The following CACNA2D1 variants were observed in gnomAD, a reference collection of about 807,000 sequenced individuals.
CACNA2D1 encodes voltage-dependent calcium channel subunit alpha-2/delta-1.
A neutral mutation model predicts 171.5 loss-of-function variants in CACNA2D1; 53 were observed. The observed-to-expected ratio is 0.31, with a 90% CI of 0.25 to 0.39. The LOEUF (loss-of-function observed/expected upper bound fraction) is 0.39. Ranked by LOEUF, CACNA2D1 falls within the 10% of genes least tolerant of loss-of-function variation. CACNA2D1 has a pLI of 1.00. For synonymous variants in CACNA2D1, 442 were observed against 443.1 expected, an observed-to-expected ratio of 1.00 and a Z score of 0.03; for missense variants, 903 against 1,299.8, an observed-to-expected ratio of 0.69 and a Z score of 4.69.
chr7:82,343,125 A>G (rs949419784), intron 2 of CACNA2D1: 1 of 152,194 alleles, frequency 6.6e-6, no homozygotes, highest in African/African-American at 2.4e-5. Context: ...TTTTCCAATG[A>G]TAACTATATC....
intron 1 of CACNA2D1, among the ~76,000 whole-genome samples, chr7:82,402,314 A>T (rs1408014892): frequency 6.6e-6 from 1 of 152,250 alleles, no homozygotes; most frequent in African/African-American, 2.4e-5. Flanking sequence ...TTCACACATC[A>T]TCTTTATTAA....
At chr7:82,090,180 T>C (rs1330741017) in intron 6 of CACNA2D1, among the ~76,000 whole-genome samples, 1 of 152,176 alleles carries the variant, frequency 6.6e-6, no homozygotes, top group Admixed American at 6.5e-5. Flanking sequence ...AATACAATAT[T>C]GTTAACTATC....
intron 3 of CACNA2D1, among the ~76,000 whole-genome samples, chr7:82,307,124 A>G (rs1384336998): frequency 6.6e-6 from 1 of 152,128 alleles, no homozygotes; most frequent in African/African-American, 2.4e-5. Context: ...TCCTTAACTT[A>G]GGAGAAAAAA....
intron 3 of CACNA2D1, among the ~76,000 whole-genome samples, chr7:82,224,847 A>C (rs1335502760): frequency 2.0e-5 from 3 of 152,136 alleles, no homozygotes; most frequent in African/African-American, 7.2e-5. Flanking sequence ...ATTCAAACCT[A>C]AGTTGGAATG....
chr7:82,286,471 G>A (rs2129386498), intron 3 of CACNA2D1, among the ~76,000 whole-genome samples: 1 of 152,190 alleles, frequency 6.6e-6, no homozygotes, highest in South Asian at 2.1e-4. Context: ...TGGACACAAG[G>A]TTTATCCAGG....
intron 6 of CACNA2D1, among the ~76,000 whole-genome samples, chr7:82,093,510 AACAACACT>A (rs1206708060): frequency 1.4e-4 from 22 of 152,128 alleles, no homozygotes; most frequent in Non-Finnish European, 2.9e-4. Context: ...AGTAATGTCC[AACAACACT>A]ACTTAATTTT....
At chr7:82,305,478 G>A (rs567125917) in intron 3 of CACNA2D1, among the ~76,000 whole-genome samples, 4 of 152,088 alleles carry the variant, frequency 2.6e-5, no homozygotes, top group Non-Finnish European at 5.9e-5. Context: ...CACCTTACCT[G>A]CAGATCTAGG....
At chr7:82,401,629 C>G (rs577565929) in intron 1 of CACNA2D1, among the ~76,000 whole-genome samples, 3 of 151,226 alleles carry the variant, frequency 2.0e-5, no homozygotes, top group Non-Finnish European at 4.4e-5. Flanking sequence ...GTGGGTGCAG[C>G]GCACCAGCGT....
chr7:82,320,933 A>ATAAAGCCATTTATATATATG (rs1815743209), intron 3 of CACNA2D1, among the ~76,000 whole-genome samples: 1 of 152,132 alleles, frequency 6.6e-6, no homozygotes, highest in Non-Finnish European at 1.5e-5. Context: ...AATGGCTTAT[A>ATAAAGCCATTTATATATATG]TAAAGCCATT....
rs1424582213 is a variant in CACNA2D1, at chr7:82,099,524, A to G, written c.527-14624T>C. Among the ~76,000 whole-genome samples, 8 of 93,170 alleles carry G rather than the reference A, an allele frequency of 8.6e-5. 2 individuals are homozygous for G. Among genetic ancestry groups the G allele is most frequent in the African/African-American group, 3.2e-4 (8 of 24,844 alleles). 61.1% of individuals were successfully genotyped at this position (93,170 alleles called of 152,430 possible). On this transcript the variant is annotated intron_variant, in intron 6 of 38. Transcript: ENST00000356860. ...GAGTGCAGCGGCGGGATCTCGGCTC[A>G]CTGCAAGCTCCGCCTCCCGGGTTCA...
intron 7 of CACNA2D1, among the ~76,000 whole-genome samples, chr7:82,070,813 A>G (rs1808233128): frequency 6.6e-6 from 1 of 152,202 alleles, no homozygotes; most frequent in South Asian, 2.1e-4. Flanking sequence ...AACCTTGGTC[A>G]CAGGTACAAA....
chr7:82,328,940 T>C (rs1267931374), intron 3 of CACNA2D1, among the ~76,000 whole-genome samples: 2 of 152,180 alleles, frequency 1.3e-5, no homozygotes, highest in Non-Finnish European at 2.9e-5. Context: ...TTTGAGTCTC[T>C]AAAGAATTTC....
At chr7:82,418,781 T>C (rs1449055698) in intron 1 of CACNA2D1, among the ~76,000 whole-genome samples, 1 of 152,136 alleles carries the variant, frequency 6.6e-6, no homozygotes, top group Non-Finnish European at 1.5e-5. Context: ...TTTTGGTGTA[T>C]CAGAGTTCAG....
intron 1 of CACNA2D1, among the ~76,000 whole-genome samples, chr7:82,423,121 C>T (rs1001050632): frequency 1.3e-5 from 2 of 152,056 alleles, no homozygotes; most frequent in Admixed American, 6.5e-5. Context: ...TACTTTTGTA[C>T]TTTCGCAGAC....
At chr7:82,288,543 T>G (rs1165840206) in intron 3 of CACNA2D1, among the ~76,000 whole-genome samples, 1 of 152,128 alleles carries the variant, frequency 6.6e-6, no homozygotes, top group Non-Finnish European at 1.5e-5. Flanking sequence ...AAATTATTCC[T>G]GCTAAAATAT....
chr7:82,159,433 A>G (rs1794708682), intron 4 of CACNA2D1, among the ~76,000 whole-genome samples: 2 of 151,932 alleles, frequency 1.3e-5, no homozygotes, highest in East Asian at 1.9e-4. Flanking sequence ...AATCTTCCCT[A>G]TATTCCATCA....
intron 3 of CACNA2D1, among the ~76,000 whole-genome samples, chr7:82,331,991 T>C (rs1468398): frequency 0.18 from 27,124 of 152,226 alleles, 2,468 homozygotes; most frequent in South Asian, 0.28. Context: ...GATAATAATG[T>C]TTTCATTTTC....
At chr7:82,340,330 G>A (rs1041568814) in intron 2 of CACNA2D1, among the ~76,000 whole-genome samples, 3 of 149,496 alleles carry the variant, frequency 2.0e-5, no homozygotes, top group African/African-American at 7.4e-5. Context: ...ATTTGGCTAA[G>A]TTTGTTTTTT....
chr7:82,145,210 A>G (rs1419315606), intron 4 of CACNA2D1, among the ~76,000 whole-genome samples: 2 of 147,572 alleles, frequency 1.4e-5, no homozygotes, highest in African/African-American at 2.5e-5. Flanking sequence ...TCTTAGAGAC[A>G]GTGAATTTTA....
Sources: allele counts gnomAD v4.1 joint callset (sites outside exome capture counted in the v4.1 genomes callset), GRCh38; gene constraint gnomAD v4.1.1; transcripts MANE v1.5; gene names NCBI Gene and HGNC (gene_info 2026-07-23, HGNC 2026-07-21).